The following SYNE2 variants were observed in gnomAD, a reference collection of about 807,000 sequenced individuals.
SYNE2 encodes nesprin-2.
SYNE2 carries 431 observed loss-of-function variants against 856.3 expected under a neutral mutation model. That is an observed-to-expected ratio of 0.50 (90% confidence interval 0.47 to 0.55). The LOEUF (loss-of-function observed/expected upper bound fraction) is 0.55. Ranked by LOEUF, SYNE2 falls within the 20% of genes least tolerant of loss-of-function variation. SYNE2 has a pLI of 0.00. For missense variants in SYNE2, 8,129 were observed against 8,023.2 expected (o/e 1.01, Z -0.50); for synonymous variants, 2,923 against 2,872.3 (o/e 1.02, Z -0.56).
chr14:63,972,550 A>G (rs1298453221), intron 11 of SYNE2, among the ~76,000 whole-genome samples: 1 of 152,230 alleles, frequency 6.6e-6, no homozygotes, highest in Non-Finnish European at 1.5e-5. Context: ...TTCTCAGAGT[A>G]TCATAGTAAA....
At chr14:64,180,882 T>A (rs1351984337) in intron 96 of SYNE2, among the ~76,000 whole-genome samples, 4 of 152,248 alleles carry the variant, frequency 2.6e-5, no homozygotes, top group Non-Finnish European at 4.4e-5. Context: ...TTTTTGAAGC[T>A]ATTGAAAATA....
intron 103 of SYNE2, among the ~76,000 whole-genome samples, chr14:64,210,456 G>T (rs944512493): frequency 1.3e-5 from 2 of 152,194 alleles, no homozygotes; most frequent in African/African-American, 4.8e-5. Context: ...AAGGCAACAC[G>T]TGGGCCCCTG....
At chr14:63,998,614 T>G (rs1419171729) in intron 26 of SYNE2, among the ~76,000 whole-genome samples, 1 of 152,192 alleles carries the variant, frequency 6.6e-6, no homozygotes, top group Non-Finnish European at 1.5e-5. Context: ...CAGGCTGGAG[T>G]GCAGTGGCGC....
intron 1 of SYNE2, among the ~76,000 whole-genome samples, chr14:63,906,332 G>T (rs755707341): frequency 1.2e-4 from 18 of 152,108 alleles, no homozygotes; most frequent in Non-Finnish European, 2.6e-4. Context: ...ATGAGTTAGG[G>T]AGGAGTCCCT....
chr14:64,108,302 A>G (rs2153651379), intron 65 of SYNE2, among the ~76,000 whole-genome samples: 1 of 152,350 alleles, frequency 6.6e-6, no homozygotes, highest in East Asian at 1.9e-4. Context: ...CAGTGAGCCA[A>G]GATTGCGCCA....
At position 64,113,548 on chromosome 14, in the gene SYNE2, G is replaced by T; in HGVS notation, c.12817G>T (p.Glu4273Ter). The change falls in exon 66 of 116, where the codon GAA becomes TAA. Residue 4273 changes from glutamate to a stop codon, truncating the protein, a stop_gained. Coordinates refer to ENST00000555002, the MANE Select transcript of SYNE2 (RefSeq NM_182914.3). LOFTEE classifies it high-confidence loss of function. ...AAACGCAGACATGCAGCAGGTGCTGGAACAGCAGCTGGTAGGGTGCCAGGT... is the reference window on the plus strand; with the variant it reads ...AAACGCAGACATGCAGCAGGTGCTGTAACAGCAGCTGGTAGGGTGCCAGGT... The part of the protein sequence containing the change: ...TLNADMQQVL[E>*]QQLVGCQAML... The T allele has an allele frequency of 6.2e-7, 1 of 1,611,190 alleles. No individual in the cohort carries two copies. Among genetic ancestry groups the T allele is most frequent in the South Asian group, 1.1e-5 (1 of 90,522 alleles).
At chr14:64,151,165 A>G (rs750773147) in intron 84 of SYNE2, among the ~76,000 whole-genome samples, 4 of 151,732 alleles carry the variant, frequency 2.6e-5, no homozygotes, top group Non-Finnish European at 4.4e-5. Flanking sequence ...CCCTTTTTCT[A>G]CTTTCCAGTC....
chr14:64,209,399 CTTGTG>C, intron 101 of SYNE2, 24 bp from the exon 102 acceptor site: 1 of 1,614,158 alleles, frequency 6.2e-7, no homozygotes, highest in South Asian at 1.1e-5. Context: ...GAGGGGATGG[CTTGTG>C]TTAAGTTGCT....
intron 1 of SYNE2, among the ~76,000 whole-genome samples, chr14:63,805,549 G>A (rs1041008690): frequency 2.0e-5 from 3 of 152,066 alleles, no homozygotes; most frequent in African/African-American, 4.8e-5. Context: ...CACCACGCCC[G>A]GCTAATTTTT....
chr14:63,782,968 A>C lies in SYNE2; in HGVS notation c.-305+20982A>C, dbSNP rs1887370171. On this transcript the variant is annotated intron_variant, in intron 1 of 23. Transcript: ENST00000674003. ...TGGTGGCCATCATCTTCACCTGGTG[A>C]TTATAGTTAACATTAGCGATATTGG... is the stretch of plus-strand genomic sequence containing the variant. 3.3e-5 allele frequency among the ~76,000 whole-genome samples: 5 copies of C among 152,118 alleles called. No individual in the cohort carries two copies. In the South Asian group the frequency reaches 1.0e-3, roughly 32 times the overall value.
chr14:64,042,170 T>C (rs1049615344), intron 45 of SYNE2, among the ~76,000 whole-genome samples: 16 of 152,190 alleles, frequency 1.1e-4, no homozygotes, highest in Non-Finnish European at 2.1e-4. Context: ...GTATAATCTG[T>C]TAACATGGAT....
chr14:64,176,182 A>G (rs746087286), intron 95 of SYNE2, among the ~76,000 whole-genome samples: 4 of 152,196 alleles, frequency 2.6e-5, no homozygotes, highest in Non-Finnish European at 2.9e-5. Context: ...ACTTCAGGAA[A>G]GAAGTTTATC....
chr14:64,118,596 T>C (rs2097871167), intron 66 of SYNE2, among the ~76,000 whole-genome samples: 1 of 152,190 alleles, frequency 6.6e-6, no homozygotes, highest in South Asian at 2.1e-4. Context: ...GGCATGGTGG[T>C]TCATGCCTGT....
chr14:64,114,050 G>A (rs564076753), intron 66 of SYNE2, among the ~76,000 whole-genome samples: 1 of 152,144 alleles, frequency 6.6e-6, no homozygotes, highest in Non-Finnish European at 1.5e-5. Flanking sequence ...ATTTTAGTAA[G>A]TAATTAGAAT....
At chr14:63,878,889 G>T (rs2094791918) in intron 1 of SYNE2, among the ~76,000 whole-genome samples, 1 of 152,180 alleles carries the variant, frequency 6.6e-6, no homozygotes, top group Admixed American at 6.5e-5. Flanking sequence ...AAAAAATCTA[G>T]GCATAACTCT....
intron 2 of SYNE2, among the ~76,000 whole-genome samples, chr14:63,910,633 T>C (rs892490692): frequency 1.3e-5 from 2 of 152,222 alleles, no homozygotes; most frequent in African/African-American, 2.4e-5. Flanking sequence ...TAAATCAGAT[T>C]TGTAATGCTG....
Position 64,170,368 on chromosome 14 carries a change from G to A in SYNE2, c.17141G>A (p.Arg5714His), listed in dbSNP as rs200137127. 7.2e-5 allele frequency: 116 copies of A among 1,614,018 alleles called. 1 individual carries two copies. In the Middle Eastern group the frequency reaches 1.6e-3, roughly 23 times the overall value. ...DFTTSVENLF[R>H]FLTDTSHLLS... ...ACTACTTCTGTGGAGAACTTGTTTC[G>A]CTTCCTCACTGACACCAGCCACCTG... Residue 5714 changes from arginine (R) to histidine (H), a missense_variant, in exon 94 of 116, where the codon CGC becomes CAC. Arg to His is a conservative substitution (Grantham distance 29). Transcript: ENST00000555002.
At chr14:64,124,948 A>G in intron 70 of SYNE2, 131 bp from the exon 71 acceptor site, 5 of 1,102,832 alleles carry the variant, frequency 4.5e-6, no homozygotes, top group Non-Finnish European at 6.4e-6. Context: ...GGTTTCAGTG[A>G]GAGGAGATCA....
intron 1 of SYNE2, among the ~76,000 whole-genome samples, chr14:63,818,024 CAAAA>C (rs34186501): frequency 9.3e-5 from 6 of 64,774 alleles, no homozygotes; most frequent in Non-Finnish European, 1.3e-4. Flanking sequence ...GACCCTTTCT[CAAAA>C]AAAAAAAAAA....
Sources: allele counts gnomAD v4.1 joint callset (sites outside exome capture counted in the v4.1 genomes callset), GRCh38; gene constraint gnomAD v4.1.1; transcripts MANE v1.5; gene names NCBI Gene and HGNC (gene_info 2026-07-23, HGNC 2026-07-21).